Variants in MSH4 observed in about 807,000 individuals in gnomAD.
MSH4 encodes mutS protein homolog 4.
MSH4 carries 106 observed loss-of-function variants against 113.7 expected under a neutral mutation model. The observed-to-expected ratio is 0.93, with a 90% CI of 0.80 to 1.10. The LOEUF is 1.10. Among genes scored for constraint, MSH4 ranks in the 50% least tolerant of loss-of-function variants. The pLI is 0.00. For missense variants in MSH4, 1,061 were observed against 1,093.7 expected, an observed-to-expected ratio of 0.97 and a Z score of 0.42; for synonymous variants, 368 against 380.2, an observed-to-expected ratio of 0.97 and a Z score of 0.37.
Position 75,832,395 on chromosome 1 carries a change from G to A in MSH4, c.1162+9814G>A, listed in dbSNP as rs764975962. ...GTACCATTCCCTCTGAAATTATTCT[G>A]ATCAATAGAAAAAGAGGGAATCCTC... On this transcript the variant is annotated intron_variant, in intron 7 of 19. Coordinates refer to ENST00000263187, the MANE Select transcript of MSH4 (RefSeq NM_002440.4). Among the ~76,000 whole-genome samples, 6 of 152,076 alleles carry A rather than the reference G, an allele frequency of 3.9e-5. No homozygotes were observed. In the East Asian group the frequency reaches 1.2e-3, roughly 29 times the overall value.
At chr1:75,829,000 G>T (rs138566987) in intron 7 of MSH4, among the ~76,000 whole-genome samples, 189 of 152,258 alleles carry the variant, frequency 1.2e-3, no homozygotes, top group African/African-American at 4.2e-3. Context: ...GCCTCACCTG[G>T]GAAGCACAAG....
intron 17 of MSH4, among the ~76,000 whole-genome samples, chr1:75,892,914 T>G (rs1474388031): frequency 6.6e-6 from 1 of 152,152 alleles, no homozygotes; most frequent in East Asian, 1.9e-4. Context: ...GAAAAAAGCC[T>G]CTTTATGGTC....
At chr1:75,862,199 C>T (rs1385936495) in intron 8 of MSH4, among the ~76,000 whole-genome samples, 1 of 152,162 alleles carries the variant, frequency 6.6e-6, no homozygotes, top group Non-Finnish European at 1.5e-5. Context: ...CACAACTTCC[C>T]TTGGCTAGGA....
chr1:75,889,331 G>A lies in MSH4; in HGVS notation c.2188G>A (p.Glu730Lys), dbSNP rs866210811. The A allele has an allele frequency of 4.6e-6, 7 of 1,521,888 alleles. No homozygotes were observed. Among genetic ancestry groups the A allele is most frequent in the East Asian group, 2.4e-5 (1 of 42,300 alleles). The allele number at this position is 1,521,888 out of a possible 1,614,324, so 94.3% of individuals were successfully genotyped here. A position where few individuals can be genotyped will look rare whatever the true frequency, so the allele number is the denominator to read the frequency against. Residue 730 changes from glutamate to lysine, a missense_variant, in exon 16 of 20, where the codon GAA (glutamate) becomes AAA (lysine). By Grantham distance (56) the Glu-to-Lys change is moderately conservative (BLOSUM62 1). Transcript: ENST00000263187. Reference protein sequence around the residue: ...FTRISTDDDIETNSSTFMKEM... With the variant: ...FTRISTDDDIKTNSSTFMKEM... ...AAGAATTAGTACTGATGATGATATC[G>A]AAACAAATTCATCAACATTTATGAA... is the stretch of plus-strand genomic sequence containing the variant.
chr1:75,811,291 CTGTTAATACAGATAATAAAAA>C (rs1204391452), intron 4 of MSH4, among the ~76,000 whole-genome samples: 5 of 152,122 alleles, frequency 3.3e-5, no homozygotes, highest in African/African-American at 1.2e-4. Flanking sequence ...ATCTAAGGGA[CTGTTAATACAGATAATAAAAA>C]TGATAGGGAA....
At chr1:75,819,302 G>A (rs772405978) in intron 6 of MSH4, among the ~76,000 whole-genome samples, 18 of 152,170 alleles carry the variant, frequency 1.2e-4, no homozygotes, top group Non-Finnish European at 2.1e-4. Flanking sequence ...AGACCAGCCT[G>A]GTCGCCATGG....
At chr1:75,829,407 C>T (rs1399859884) in intron 7 of MSH4, among the ~76,000 whole-genome samples, 1 of 152,210 alleles carries the variant, frequency 6.6e-6, no homozygotes, top group Non-Finnish European at 1.5e-5. Context: ...CAGACTTAAA[C>T]ATCCCTGTCT....
chr1:75,862,109 G>T (rs551522335), intron 8 of MSH4, among the ~76,000 whole-genome samples: 2 of 152,300 alleles, frequency 1.3e-5, no homozygotes, highest in South Asian at 4.2e-4. Context: ...CACGGAAGGG[G>T]ATCTCCTGGT....
chr1:75,889,270 A>T lies in MSH4; in HGVS notation c.2127A>T (p.Glu709Asp). ...MAQIGSYVPAEYSSFRIAKQI... is the reference protein window; with the variant it reads ...MAQIGSYVPADYSSFRIAKQI... ...TTACAGGATCATATGTTCCAGCAGAATATTCTTCCTTTAGAATTGCTAAAC... is the reference window on the plus strand; with the variant it reads ...TTACAGGATCATATGTTCCAGCAGATTATTCTTCCTTTAGAATTGCTAAAC... Residue 709 changes from glutamate to aspartate, a missense_variant, in exon 16 of 20, where the codon GAA (glutamate) becomes GAT (aspartate). Coordinates refer to ENST00000263187, the MANE Select transcript of MSH4 (RefSeq NM_002440.4). The T allele has an allele frequency of 6.7e-7, 1 of 1,491,664 alleles. No individual in the cohort carries two copies. Among genetic ancestry groups the T allele is most frequent in the Non-Finnish European group, 9.2e-7 (1 of 1,081,284 alleles). The allele number at this position is 1,491,664 out of a possible 1,614,324, so 92.4% of individuals were successfully genotyped here.
At chr1:75,821,051 G>A (rs564247706) in intron 6 of MSH4, among the ~76,000 whole-genome samples, 8,564 of 151,490 alleles carry the variant, frequency 0.057, 353 homozygotes, top group Non-Finnish European at 0.083. Flanking sequence ...TGCACCAAGC[G>A]GACGTAATAG....
In MSH4 at chr1:75,803,895, C is replaced by T; in HGVS notation, c.409C>T (p.Pro137Ser). Residue 137 changes from proline to serine, a missense_variant, in exon 2 of 20, where the codon CCA (proline) becomes TCA (serine). Transcript: ENST00000263187. Reference protein sequence around the residue: ...PQRSGYKSWTPQVGYSASSSS... With the variant: ...PQRSGYKSWTSQVGYSASSSS... The stretch of plus-strand genomic sequence containing the variant: ...GAGATCAGGTTATAAGAGCTGGACA[C>T]CACAAGTGGGATATTCAGGTAAAAT... 7 of 1,519,410 alleles carry T rather than the reference C, an allele frequency of 4.6e-6. No individual in the cohort carries two copies. The highest frequency in any genetic ancestry group is 6.2e-6 in the Non-Finnish European group (7 of 1,135,800). 94.1% of individuals were successfully genotyped at this position (1,519,410 alleles called of 1,614,324 possible).
At chr1:75,867,386 G>A (rs1365211984) in intron 8 of MSH4, 128 bp from the exon 9 acceptor site, 1 of 599,724 alleles carries the variant, frequency 1.7e-6, no homozygotes, top group Non-Finnish European at 2.9e-6. Context: ...CTTTAGGCTT[G>A]CATTGCGGCT....
intron 7 of MSH4, among the ~76,000 whole-genome samples, chr1:75,844,835 G>A (rs1651042310): frequency 6.6e-6 from 1 of 152,156 alleles, no homozygotes; most frequent in Admixed American, 6.5e-5. Flanking sequence ...CTGAGACTAG[G>A]TAATTTATAA....
intron 8 of MSH4, among the ~76,000 whole-genome samples, chr1:75,859,769 T>C (rs1651411550): frequency 6.6e-6 from 1 of 152,250 alleles, no homozygotes; most frequent in Admixed American, 6.5e-5. Flanking sequence ...TGTAGATTTC[T>C]ATTAGGTCCA....
intron 7 of MSH4, among the ~76,000 whole-genome samples, chr1:75,838,712 A>T (rs1242396104): frequency 2.6e-5 from 4 of 152,172 alleles, no homozygotes; most frequent in African/African-American, 4.8e-5. Flanking sequence ...TTACTTAAAC[A>T]TATCTGCTGT....
At chr1:75,865,710 C>T (rs143812046) in intron 8 of MSH4, among the ~76,000 whole-genome samples, 30 of 152,184 alleles carry the variant, frequency 2.0e-4, no homozygotes, top group Admixed American at 6.5e-4. Flanking sequence ...TTAGTTTCAC[C>T]GTGTGATTAA....
chr1:75,853,200 G>C (rs1038287782), intron 8 of MSH4, among the ~76,000 whole-genome samples: 9 of 152,140 alleles, frequency 5.9e-5, no homozygotes, highest in Admixed American at 1.3e-4. Flanking sequence ...AAGTAGCTGG[G>C]ATTACAGGCA....
At chr1:75,886,729 AT>A (rs1289213555) in intron 15 of MSH4, among the ~76,000 whole-genome samples, 7 of 137,842 alleles carry the variant, frequency 5.1e-5, no homozygotes, top group Non-Finnish European at 1.5e-5. Flanking sequence ...TGTATACATT[AT>A]ATATAAATAT....
intron 7 of MSH4, among the ~76,000 whole-genome samples, chr1:75,828,564 C>T (rs1270921827): frequency 6.6e-6 from 1 of 152,080 alleles, no homozygotes; most frequent in Non-Finnish European, 1.5e-5. Context: ...AAACAGAAAA[C>T]CAAATACTGC....
Sources: gnomAD v4.1 joint callset for allele counts (sites outside exome capture counted in the v4.1 genomes callset) on GRCh38, gnomAD v4.1.1 for gene constraint, MANE v1.5 for transcripts, NCBI Gene and HGNC (gene_info 2026-07-23, HGNC 2026-07-21) for gene names.